PEPD: variants seen among roughly 807,000 people sequenced by gnomAD.
PEPD encodes xaa-Pro dipeptidase.
PEPD carries 53 observed loss-of-function variants against 60.7 expected under a neutral mutation model. The ratio of observed to expected loss-of-function variants is 0.87; its 90% confidence interval spans 0.70 to 1.10. The LOEUF is 1.10. Ranked by LOEUF, PEPD falls within the 50% of genes least tolerant of loss-of-function variation. PEPD has a pLI of 0.00. For missense variants in PEPD, 711 were observed against 711.9 expected, an observed-to-expected ratio of 1.00 and a Z score of 0.01; for synonymous variants, 267 against 284.1, an observed-to-expected ratio of 0.94 and a Z score of 0.60.
chr19:33,470,252 G>A (rs1970098405), intron 7 of PEPD, among the ~76,000 whole-genome samples: 1 of 152,086 alleles, frequency 6.6e-6, no homozygotes, highest in African/African-American at 2.4e-5. Flanking sequence ...TGCCCTGATA[G>A]CAGCTGGGGA....
chr19:33,518,077 G>C (rs1322771423), intron 1 of PEPD, among the ~76,000 whole-genome samples: 1 of 152,204 alleles, frequency 6.6e-6, no homozygotes, highest in East Asian at 1.9e-4. Flanking sequence ...CGTGGGGCCA[G>C]GCACCAGACA....
chr19:33,421,118 G>A (rs535853598), intron 9 of PEPD, among the ~76,000 whole-genome samples: 4 of 152,298 alleles, frequency 2.6e-5, no homozygotes, highest in African/African-American at 9.6e-5. Context: ...CGTTCGGGTT[G>A]TTTCCAGATC....
chr19:33,510,695 C>T lies in PEPD; in HGVS notation c.329+333G>A, dbSNP rs568804799. ...GGTGGACCCAGTTTCTAATGGCCTG[C>T]ATTTGCATATCAAAGGTTGCCGGCC... On this transcript the variant is annotated intron_variant, in intron 3 of 14. Transcript: ENST00000244137. Among the ~76,000 whole-genome samples the T allele has an allele frequency of 5.6e-3, 852 of 152,284 alleles. 7 individuals carry two copies. The highest frequency in any genetic ancestry group is 9.4e-3 in the Non-Finnish European group (642 of 68,014).
chr19:33,479,154 A>G (rs534719720), intron 6 of PEPD, among the ~76,000 whole-genome samples: 102 of 152,346 alleles, frequency 6.7e-4, no homozygotes, highest in African/African-American at 2.4e-3. Flanking sequence ...TTCAAGTTTA[A>G]GTAGTCAATT....
At chr19:33,394,326 GGA>G (rs1323599669) in intron 12 of PEPD, among the ~76,000 whole-genome samples, 1 of 152,268 alleles carries the variant, frequency 6.6e-6, no homozygotes, top group East Asian at 1.9e-4. Context: ...GCAGAGGGCG[GGA>G]ATCAGGTATA....
At chr19:33,421,251 A>G (rs1048436422) in intron 9 of PEPD, among the ~76,000 whole-genome samples, 1 of 152,194 alleles carries the variant, frequency 6.6e-6, no homozygotes, top group Non-Finnish European at 1.5e-5. Flanking sequence ...TTGGGGGGTC[A>G]GCTTTAGTAG....
At chr19:33,436,101 T>TGGG (rs1600112948) in intron 9 of PEPD, among the ~76,000 whole-genome samples, 1 of 144,534 alleles carries the variant, frequency 6.9e-6, no homozygotes, top group East Asian at 2.0e-4. Context: ...AGCAGAGGAG[T>TGGG]GGGAGGAGGA....
At chr19:33,489,637 T>A (rs1970459877) in intron 6 of PEPD, among the ~76,000 whole-genome samples, 1 of 150,348 alleles carries the variant, frequency 6.7e-6, no homozygotes, top group East Asian at 2.0e-4. Flanking sequence ...TCAAAAAAAA[T>A]AAAAAAATAA....
At chr19:33,412,465 G>A (rs552994051) in intron 10 of PEPD, among the ~76,000 whole-genome samples, 27 of 152,336 alleles carry the variant, frequency 1.8e-4, no homozygotes, top group Admixed American at 1.3e-3. Flanking sequence ...AAGGGCCCCG[G>A]CTGTCCTGGA....
intron 12 of PEPD, among the ~76,000 whole-genome samples, chr19:33,394,363 CCG>C (rs1968315249): frequency 6.6e-6 from 1 of 152,074 alleles, no homozygotes; most frequent in African/African-American, 2.4e-5. Flanking sequence ...GTGGCCCTTC[CCG>C]GGGGCAGGCC....
intron 6 of PEPD, among the ~76,000 whole-genome samples, chr19:33,481,290 G>C (rs890585461): frequency 6.6e-6 from 1 of 152,196 alleles, no homozygotes; most frequent in African/African-American, 2.4e-5. Flanking sequence ...ATCTAGGCTG[G>C]GCGCAGTGGC....
chr19:33,515,910 A>T (rs1052012522), intron 1 of PEPD, among the ~76,000 whole-genome samples: 1 of 151,958 alleles, frequency 6.6e-6, no homozygotes, highest in Admixed American at 6.6e-5. Context: ...CTGAGAGACA[A>T]ATTTCTCAGG....
At chr19:33,403,337 C>T (rs1205841522) in intron 11 of PEPD, among the ~76,000 whole-genome samples, 1 of 152,208 alleles carries the variant, frequency 6.6e-6, no homozygotes, top group African/African-American at 2.4e-5. Context: ...CTGCAGGGTC[C>T]AGAACCAGAG....
Position 33,386,971 on chromosome 19 carries a change from A to T in PEPD, c.*373T>A, listed in dbSNP as rs1012671756. On this transcript the variant is annotated 3_prime_UTR_variant, in exon 15 of 15. Coordinates refer to ENST00000244137, the MANE Select transcript of PEPD (RefSeq NM_000285.4). ...AAAGGACCATTTTAGGAAACCTTTT[A>T]TTGCAAATGCCATTCTGCATATTGA... The T allele has an allele frequency of 7.3e-6, 2 of 274,924 alleles. No individual in the cohort carries two copies. The highest frequency in any genetic ancestry group is 1.4e-5 in the Non-Finnish European group (2 of 142,660). The allele number at this position is 274,924 out of a possible 1,614,324, so 17.0% of individuals were successfully genotyped here. A position where few individuals can be genotyped will look rare whatever the true frequency, so the allele number is the denominator to read the frequency against.
At position 33,411,666 on chromosome 19, in the gene PEPD, A is replaced by G. The variant is rs768875213; in HGVS notation, c.818+6T>C. 6.4e-7 allele frequency: 1 copy of G among 1,570,730 alleles called. No individual in the cohort carries two copies. Among genetic ancestry groups the G allele is most frequent in the South Asian group, 1.1e-5 (1 of 90,126 alleles). On this transcript the variant is annotated splice_donor_region_variant and intron_variant, in intron 11 of 14. Transcript: ENST00000244137. ...ACACAGAGCCAGGGCCGCTGGCCCTACTTACCACATATCCCCATTCTGGAT... is the reference window on the plus strand; with the variant it reads ...ACACAGAGCCAGGGCCGCTGGCCCTGCTTACCACATATCCCCATTCTGGAT...
At chr19:33,493,704 AC>A (rs1432187088) in intron 4 of PEPD, among the ~76,000 whole-genome samples, 1 of 151,950 alleles carries the variant, frequency 6.6e-6, no homozygotes, top group African/African-American at 2.4e-5. Context: ...TCCCCCGGGA[AC>A]CCTTTAGGCT....
At position 33,521,781 on chromosome 19, in the gene PEPD, A is replaced by G. The variant is rs779612612; in HGVS notation, c.-21T>C. 6.4e-7 allele frequency: 1 copy of G among 1,567,794 alleles called. No homozygotes were observed. The highest frequency in any genetic ancestry group is 1.2e-5 in the South Asian group (1 of 85,916). On this transcript the variant is annotated 5_prime_UTR_variant, in exon 1 of 15. Transcript: ENST00000244137. ...GCCATGTTCGCCCGGCACCGGCGTC[A>G]CGTGAAGTGCGGCGTCAGCTGAGCC...
At chr19:33,426,213 TCCCA>T (rs955752793) in intron 9 of PEPD, among the ~76,000 whole-genome samples, 5 of 152,156 alleles carry the variant, frequency 3.3e-5, no homozygotes, top group Admixed American at 3.3e-4. Flanking sequence ...GTCACCCAGA[TCCCA>T]CCTTGTAGAG....
At chr19:33,396,697 G>T (rs1968373648) in intron 12 of PEPD, among the ~76,000 whole-genome samples, 1 of 150,646 alleles carries the variant, frequency 6.6e-6, no homozygotes, top group African/African-American at 2.4e-5. Flanking sequence ...AAGGCGGGGA[G>T]GCCAGGGAGG....
Sources: allele counts gnomAD v4.1 joint callset (sites outside exome capture counted in the v4.1 genomes callset), GRCh38; gene constraint gnomAD v4.1.1; transcripts MANE v1.5; gene names NCBI Gene and HGNC (gene_info 2026-07-23, HGNC 2026-07-21).